Variants in SNTB2 observed in about 807,000 individuals in gnomAD.
SNTB2 encodes beta-2-syntrophin.
In SNTB2, 34 loss-of-function variants were observed where a neutral mutation model predicts 46.2. The ratio of observed to expected loss-of-function variants is 0.74; its 90% CI spans 0.56 to 0.98. SNTB2 has a LOEUF of 0.98. SNTB2 is among the 50% of genes least tolerant of loss of function. SNTB2 has a pLI of 0.00. For synonymous variants in SNTB2, 290 were observed against 312.6 expected (o/e 0.93, Z 0.76); for missense variants, 603 against 731.4 (o/e 0.82, Z 2.02).
At chr16:69,209,964 T>A (rs1183026960) in intron 1 of SNTB2, among the ~76,000 whole-genome samples, 2 of 152,020 alleles carry the variant, frequency 1.3e-5, no homozygotes. Flanking sequence ...CCCATTATTG[T>A]AATTTCTTCA....
intron 1 of SNTB2, among the ~76,000 whole-genome samples, chr16:69,223,905 C>T (rs1036477268): frequency 2.6e-5 from 4 of 152,210 alleles, no homozygotes; most frequent in Non-Finnish European, 5.9e-5. Context: ...GTTGGGATTA[C>T]AGGCGTGAGC....
intron 1 of SNTB2, among the ~76,000 whole-genome samples, chr16:69,189,826 G>A (rs1386645085): frequency 6.6e-6 from 1 of 152,198 alleles, no homozygotes; most frequent in African/African-American, 2.4e-5. Context: ...TGAAAACCTT[G>A]CAGTAAATGC....
At chr16:69,264,122 C>T (rs570852078) in intron 3 of SNTB2, among the ~76,000 whole-genome samples, 1 of 152,156 alleles carries the variant, frequency 6.6e-6, no homozygotes. Context: ...AATGCCCAGG[C>T]CTGGGTCTCC....
At chr16:69,300,788 T>A (rs1254192857) in intron 6 of SNTB2, 44 bp from the exon 7 acceptor site, 1 of 1,213,762 alleles carries the variant, frequency 8.2e-7, no homozygotes, top group African/African-American at 1.5e-5. Flanking sequence ...AAGTTGTCTG[T>A]ATATGGTAGT....
chr16:69,294,604 G>A (rs999180686), intron 5 of SNTB2, among the ~76,000 whole-genome samples: 6 of 151,678 alleles, frequency 4.0e-5, no homozygotes, highest in African/African-American at 9.7e-5. Flanking sequence ...GTTGTGGTGC[G>A]CCCCTGTAGT....
chr16:69,232,151 C>CT (rs200170313), intron 1 of SNTB2, among the ~76,000 whole-genome samples: 2,743 of 149,288 alleles, frequency 0.018, 85 homozygotes, highest in African/African-American at 0.063. Flanking sequence ...AATACTGGGG[C>CT]TTTTTTTTGC....
In SNTB2 at chr16:69,259,918, A is replaced by G. The variant is rs1016931483; in HGVS notation, c.795-132A>G. The stretch of plus-strand genomic sequence containing the variant: ...AGCCACCGTGCCCAGCCAAGAAAGT[A>G]TCTTTATTTGAGTATACAAATTTAT... On this transcript the variant is annotated intron_variant, in intron 2 of 6. Transcript: ENST00000336278. The G allele has an allele frequency of 3.9e-5, 30 of 769,242 alleles. 1 individual carries two copies. The highest frequency in any genetic ancestry group is 6.9e-5 in the African/African-American group (4 of 57,892). 47.7% of individuals were successfully genotyped at this position (769,242 alleles called of 1,614,324 possible). A position where few individuals can be genotyped will look rare whatever the true frequency, so the allele number is the denominator to read the frequency against.
rs539503941 is a variant in SNTB2 at position 69,305,167 on chromosome 16, C to T, written c.*4243C>T. 39 of 152,596 alleles carry T rather than the reference C, an allele frequency of 2.6e-4. No individual in the cohort carries two copies. The highest frequency in any genetic ancestry group is 8.9e-4 in the African/African-American group (37 of 41,502). 9.5% of individuals were successfully genotyped at this position (152,596 alleles called of 1,614,324 possible). A position where few individuals can be genotyped will look rare whatever the true frequency, so the allele number is the denominator to read the frequency against. On this transcript the variant is annotated 3_prime_UTR_variant, in exon 7 of 7. Coordinates refer to ENST00000336278, the MANE Select transcript of SNTB2 (RefSeq NM_006750.4). Reference sequence around the variant, plus strand: ...ATATGCATGTGGATATATTTGTTTTCAAAGCCATGGAAGAATCTCTGTTCA... The same window carrying T: ...ATATGCATGTGGATATATTTGTTTTTAAAGCCATGGAAGAATCTCTGTTCA...
Position 69,287,530 on chromosome 16 carries a change from A to C in SNTB2, c.1345+3286A>C, listed in dbSNP as rs989246568. Among the ~76,000 whole-genome samples, 12 of 152,266 alleles carry C rather than the reference A, an allele frequency of 7.9e-5. No individual in the cohort carries two copies. In the South Asian group the frequency reaches 2.1e-3, roughly 26 times the overall value. Reference sequence around the variant, plus strand: ...GATTGCAACAAGCCAGGATTGCGCCACTGCACTCCAAGCTGGGAGATAGAG... The same window carrying C: ...GATTGCAACAAGCCAGGATTGCGCCCCTGCACTCCAAGCTGGGAGATAGAG... On this transcript the variant is annotated intron_variant, in intron 5 of 6. Coordinates refer to ENST00000336278, the MANE Select transcript of SNTB2 (RefSeq NM_006750.4).
Position 69,270,335 on chromosome 16 carries a change from C to G in SNTB2, c.1148+50C>G, listed in dbSNP as rs774552755. 41 of 1,599,678 alleles carry G rather than the reference C, an allele frequency of 2.6e-5. 4 individuals carry two copies. The South Asian group carries it at 4.3e-4, about 17-fold the overall frequency. ...GTAAAATATTTATCCTACTCTAAATCTACAAAAGAATTTTAAAGTGAATTC... is the reference window on the plus strand; with the variant it reads ...GTAAAATATTTATCCTACTCTAAATGTACAAAAGAATTTTAAAGTGAATTC... On this transcript the variant is annotated intron_variant, in intron 4 of 6. Transcript: ENST00000336278.
chr16:69,190,419 G>C (rs1358608409), intron 1 of SNTB2, among the ~76,000 whole-genome samples: 1 of 152,194 alleles, frequency 6.6e-6, no homozygotes, highest in East Asian at 1.9e-4. Context: ...TCATTCATCA[G>C]ATATTTACTT....
intron 1 of SNTB2, among the ~76,000 whole-genome samples, chr16:69,232,430 C>T (rs1450182929): frequency 3.4e-5 from 5 of 147,960 alleles, no homozygotes; most frequent in Non-Finnish European, 7.4e-5. Flanking sequence ...TGGTCTCCAT[C>T]TCCTGACCTT....
chr16:69,225,103 C>G (rs925574762), intron 1 of SNTB2, among the ~76,000 whole-genome samples: 1 of 152,168 alleles, frequency 6.6e-6, no homozygotes. Flanking sequence ...CTGAAAAGCT[C>G]TAATAACAAT....
chr16:69,212,404 T>C (rs555440428), intron 1 of SNTB2, among the ~76,000 whole-genome samples: 32 of 152,104 alleles, frequency 2.1e-4, no homozygotes, highest in Non-Finnish European at 4.3e-4. Context: ...AGTGGCGTGA[T>C]CTCAGCTCAC....
chr16:69,214,240 C>T (rs1415728951), intron 1 of SNTB2, among the ~76,000 whole-genome samples: 1 of 151,368 alleles, frequency 6.6e-6, no homozygotes, highest in African/African-American at 2.4e-5. Flanking sequence ...AAGTGATTCT[C>T]CTGCCTCAGC....
rs1371093693 is a variant in SNTB2, at chr16:69,292,367, TATATATATATATTATATATATATTATATA to T, written c.1346-7222_1346-7194del. On this transcript the variant is annotated intron_variant, in intron 5 of 6. Coordinates refer to ENST00000336278, the MANE Select transcript of SNTB2 (RefSeq NM_006750.4). ...TCACCTTATTTTTTATATATATATA[TATATATATATATTATATATATATTATATA>T]TATATATATATTATATATATATTAT... 8.4e-4 allele frequency among the ~76,000 whole-genome samples: 17 copies of T among 20,324 alleles called. 2 individuals are homozygous for T. Among genetic ancestry groups the T allele is most frequent in the Non-Finnish European group, 1.2e-3 (13 of 10,450 alleles). 13.3% of individuals were successfully genotyped at this position (20,324 alleles called of 152,430 possible).
chr16:69,285,496 A>AG (rs1567414901), intron 5 of SNTB2, among the ~76,000 whole-genome samples: 1 of 115,492 alleles, frequency 8.7e-6, no homozygotes, highest in African/African-American at 3.2e-5. Flanking sequence ...TATTTATTTA[A>AG]AGAGACAGGG....
At chr16:69,248,914 T>C (rs1035397082) in intron 2 of SNTB2, among the ~76,000 whole-genome samples, 2 of 147,684 alleles carry the variant, frequency 1.4e-5, no homozygotes, top group Non-Finnish European at 3.0e-5. Flanking sequence ...GAGAATTAAA[T>C]AGAATGGAGA....
At chr16:69,298,760 G>A (rs150504100) in intron 5 of SNTB2, among the ~76,000 whole-genome samples, 2,773 of 151,992 alleles carry the variant, frequency 0.018, 82 homozygotes, top group African/African-American at 0.063. Flanking sequence ...GACCTCAAGT[G>A]ATCCGCCCAC....
Sources: gnomAD v4.1 joint callset for allele counts (sites outside exome capture counted in the v4.1 genomes callset) on GRCh38, gnomAD v4.1.1 for gene constraint, MANE v1.5 for transcripts, NCBI Gene and HGNC (gene_info 2026-07-23, HGNC 2026-07-21) for gene names.